RERG: variants seen among roughly 807,000 people sequenced by gnomAD.
RERG encodes ras-related and estrogen-regulated growth inhibitor.
RERG carries 25 observed loss-of-function variants against 23.2 expected under a neutral mutation model. That is an observed-to-expected ratio of 1.08 (90% CI 0.79 to 1.50). The LOEUF is 1.50. RERG is among the 40% of genes most tolerant of loss of function. RERG has a pLI of 0.00. For missense variants in RERG, 253 were observed against 250.1 expected (o/e 1.01, Z -0.08); for synonymous variants, 81 against 89.1 (o/e 0.91, Z 0.51).
rs1304681002 is a variant in RERG at position 15,193,058 on chromosome 12, T to C, written c.61+24371A>G. The stretch of plus-strand genomic sequence containing the variant: ...AAATATTTATTTAAGGGGAGAACTA[T>C]GGGATTATGCAAATATCCTGTTTCT... On this transcript the variant is annotated intron_variant, in intron 2 of 4. Transcript: ENST00000256953. 2.0e-5 allele frequency among the ~76,000 whole-genome samples: 3 copies of C among 152,162 alleles called. No homozygotes were observed. In the South Asian group the frequency reaches 6.2e-4, roughly 31 times the overall value.
intron 2 of RERG, among the ~76,000 whole-genome samples, chr12:15,195,264 C>T (rs1865127070): frequency 1.3e-5 from 2 of 151,954 alleles, no homozygotes; most frequent in Non-Finnish European, 2.9e-5. Flanking sequence ...CTGGGATGAG[C>T]CCAAGCTGTC....
At chr12:15,126,960 C>T (rs554761359) in intron 2 of RERG, among the ~76,000 whole-genome samples, 1 of 151,926 alleles carries the variant, frequency 6.6e-6, no homozygotes, top group Non-Finnish European at 1.5e-5. Context: ...CCTTGTGATC[C>T]GCCCGCTTCA....
At chr12:15,198,515 CTTGT>C (rs968147009) in intron 2 of RERG, among the ~76,000 whole-genome samples, 1 of 152,150 alleles carries the variant, frequency 6.6e-6, no homozygotes, top group African/African-American at 2.4e-5. Flanking sequence ...GCAATATCTT[CTTGT>C]TTAATTTCAG....
At position 15,149,157 on chromosome 12, in the gene RERG, C is replaced by T. The variant is rs181019014; in HGVS notation, c.62-28038G>A. 5.0e-3 allele frequency among the ~76,000 whole-genome samples: 758 copies of T among 151,994 alleles called. 4 individuals carry two copies. The highest frequency in any genetic ancestry group is 0.014 in the Middle Eastern group (4 of 294). On this transcript the variant is annotated intron_variant, in intron 2 of 4. Coordinates refer to ENST00000256953, the MANE Select transcript of RERG (RefSeq NM_032918.3). Reference sequence around the variant, plus strand: ...GTGCTGGGATTACAGGCGTGAGCCACCGCGCCCAGCCTGCAGTCCTTTAAC... The same window carrying T: ...GTGCTGGGATTACAGGCGTGAGCCATCGCGCCCAGCCTGCAGTCCTTTAAC...
intron 3 of RERG, among the ~76,000 whole-genome samples, chr12:15,118,954 T>TTCCCCAA (rs2136086974): frequency 6.6e-6 from 1 of 152,310 alleles, no homozygotes; most frequent in Non-Finnish European, 1.5e-5. Flanking sequence ...GAATCCTGTC[T>TTCCCCAA]TCCCCAAGGT....
intron 2 of RERG, among the ~76,000 whole-genome samples, chr12:15,202,311 T>C (rs1048791544): frequency 2.6e-5 from 4 of 151,798 alleles, no homozygotes; most frequent in South Asian, 4.1e-4. Flanking sequence ...ACACGTGATA[T>C]GAGATCTAAC....
intron 2 of RERG, among the ~76,000 whole-genome samples, chr12:15,133,488 T>C (rs1864090574): frequency 6.6e-6 from 1 of 152,122 alleles, no homozygotes; most frequent in South Asian, 2.1e-4. Context: ...TATCCATTCA[T>C]TTACTGAAGA....
chr12:15,129,860 G>A (rs764644120), intron 2 of RERG, among the ~76,000 whole-genome samples: 5 of 152,134 alleles, frequency 3.3e-5, no homozygotes, highest in South Asian at 2.1e-4. Context: ...TTCTGGGTAG[G>A]AGAATGGCTC....
chr12:15,205,865 A>C (rs924951259), intron 2 of RERG, among the ~76,000 whole-genome samples: 3 of 152,084 alleles, frequency 2.0e-5, no homozygotes. Flanking sequence ...CCATTGCATA[A>C]GTTTTATAAA....
At chr12:15,170,277 T>C (rs975297813) in intron 2 of RERG, among the ~76,000 whole-genome samples, 1 of 152,046 alleles carries the variant, frequency 6.6e-6, no homozygotes, top group South Asian at 2.1e-4. Flanking sequence ...TGTAGGTTCA[T>C]AAATAATTGT....
rs543596489 is a variant in RERG at position 15,211,343 on chromosome 12, C to T, written c.61+6086G>A. Among the ~76,000 whole-genome samples the T allele has an allele frequency of 5.6e-4, 84 of 150,122 alleles. No individual in the cohort carries two copies. The South Asian group carries it at 6.1e-3, about 11-fold the overall frequency. ...CACACACACACTATGGAATGCTATTCGGCCTTAAAAAGGCAGAAAATTCTA... is the reference window on the plus strand; with the variant it reads ...CACACACACACTATGGAATGCTATTTGGCCTTAAAAAGGCAGAAAATTCTA... On this transcript the variant is annotated intron_variant, in intron 2 of 4. Coordinates refer to ENST00000256953, the MANE Select transcript of RERG (RefSeq NM_032918.3).
At chr12:15,213,991 AAAGT>A (rs1048168906) in intron 2 of RERG, among the ~76,000 whole-genome samples, 3 of 133,606 alleles carry the variant, frequency 2.2e-5, no homozygotes, top group Admixed American at 8.6e-5. Context: ...AAAAACAGAG[AAAGT>A]ATGTGTGTGT....
chr12:15,131,099 AT>A (rs1402397332), intron 2 of RERG, among the ~76,000 whole-genome samples: 6 of 152,024 alleles, frequency 3.9e-5, no homozygotes, highest in Admixed American at 6.5e-5. Flanking sequence ...AAAAATCTTA[AT>A]TTTCTATAGA....
intron 2 of RERG, among the ~76,000 whole-genome samples, chr12:15,132,751 G>A (rs1864071148): frequency 6.6e-6 from 1 of 152,048 alleles, no homozygotes; most frequent in East Asian, 1.9e-4. Flanking sequence ...ATTCTAATAG[G>A]TGTATTGGTG....
intron 2 of RERG, among the ~76,000 whole-genome samples, chr12:15,177,213 G>T (rs963594786): frequency 4.6e-5 from 7 of 152,214 alleles, no homozygotes; most frequent in Non-Finnish European, 8.8e-5. Context: ...AGCACTCTGG[G>T]AGGCTGAGGA....
chr12:15,181,786 A>G (rs1017618011), intron 2 of RERG, among the ~76,000 whole-genome samples: 1 of 149,082 alleles, frequency 6.7e-6, no homozygotes, highest in African/African-American at 2.6e-5. Context: ...ATGAGGAGAG[A>G]GTAAAGAATG....
chr12:15,214,029 TGTGTGTGTGCGC>T lies in RERG; in HGVS notation c.61+3388_61+3399del, dbSNP rs774948112. Among the ~76,000 whole-genome samples the T allele has an allele frequency of 5.7e-3, 672 of 118,606 alleles. 8 individuals are homozygous for T. The highest frequency in any genetic ancestry group is 0.024 in the African/African-American group (536 of 21,978). The allele number at this position is 118,606 out of a possible 152,430, so 77.8% of individuals were successfully genotyped here. A position where few individuals can be genotyped will look rare whatever the true frequency, so the allele number is the denominator to read the frequency against. On this transcript the variant is annotated intron_variant, in intron 2 of 4. Coordinates refer to ENST00000256953, the MANE Select transcript of RERG (RefSeq NM_032918.3). ...GTGTGTGTGTGTGTGTGTGTGTGTGTGTGTGTGTGCGCGTGTGTGGAGTTTTTACCTTATAAG... is the reference window on the plus strand; with the variant it reads ...GTGTGTGTGTGTGTGTGTGTGTGTGTGTGTGTGGAGTTTTTACCTTATAAG...
intron 2 of RERG, among the ~76,000 whole-genome samples, chr12:15,126,724 C>T (rs12827709): frequency 0.23 from 30,000 of 132,266 alleles, 3,335 homozygotes; most frequent in Admixed American, 0.29. Flanking sequence ...CTTTTTCTTT[C>T]TTTTTTTTTT....
At chr12:15,210,037 A>G (rs1013968307) in intron 2 of RERG, among the ~76,000 whole-genome samples, 3 of 152,168 alleles carry the variant, frequency 2.0e-5, no homozygotes, top group African/African-American at 7.2e-5. Flanking sequence ...GGAAGAAATT[A>G]TGTGTTTTTC....
Sources: gnomAD v4.1 joint callset for allele counts (sites outside exome capture counted in the v4.1 genomes callset) on GRCh38, gnomAD v4.1.1 for gene constraint, MANE v1.5 for transcripts, NCBI Gene and HGNC (gene_info 2026-07-23, HGNC 2026-07-21) for gene names.